Variants in KIFC3 observed in about 807,000 individuals in gnomAD.
KIFC3 encodes kinesin family member C3.
A neutral mutation model predicts 101.8 loss-of-function variants in KIFC3; 60 were observed. The ratio of observed to expected loss-of-function variants is 0.59; its 90% CI spans 0.48 to 0.73. The LOEUF (loss-of-function observed/expected upper bound fraction) is 0.73, where lower values mean the gene tolerates loss of function less well. Among genes scored for constraint, KIFC3 ranks in the 30% least tolerant of loss-of-function variants. The probability of loss-of-function intolerance (pLI) is 0.00; values close to 1 mark genes in which losing one functional copy is unlikely to be tolerated. For synonymous variants in KIFC3, 476 were observed against 482.7 expected (o/e 0.99, Z 0.18); for missense variants, 966 against 1,137.1 (o/e 0.85, Z 2.16).
intron 1 of KIFC3, among the ~76,000 whole-genome samples, chr16:57,824,914 G>A (rs1052206419): frequency 1.3e-5 from 2 of 152,154 alleles, no homozygotes; most frequent in African/African-American, 4.8e-5. Context: ...AAAGTGCTGG[G>A]ATGACCAATG....
At chr16:57,775,974 G>A in intron 3 of KIFC3, 1 of 985,512 alleles carries the variant, frequency 1.0e-6, no homozygotes, top group South Asian at 4.7e-5. Context: ...GGGCCTGTCT[G>A]CCGGCTTGAC....
chr16:57,835,230 A>T (rs782224820), intron 1 of KIFC3, among the ~76,000 whole-genome samples: 1 of 152,236 alleles, frequency 6.6e-6, no homozygotes, highest in African/African-American at 2.4e-5. Context: ...AACAGAAACT[A>T]CCAAACGACT....
chr16:57,832,161 C>T (rs575865747), intron 1 of KIFC3, among the ~76,000 whole-genome samples: 1 of 150,788 alleles, frequency 6.6e-6, no homozygotes, highest in African/African-American at 2.4e-5. Context: ...GCTGGGACTA[C>T]AGGAATGCAC....
intron 15 of KIFC3, 31 bp downstream of exon 15, chr16:57,761,011 A>T (rs765926226): frequency 1.9e-6 from 3 of 1,602,664 alleles, no homozygotes; most frequent in Non-Finnish European, 1.7e-6. Flanking sequence ...GGTTGTGGGG[A>T]TCCTCAGGCC....
At chr16:57,801,285 G>C (rs2054708245) in intron 1 of KIFC3, among the ~76,000 whole-genome samples, 2 of 152,156 alleles carry the variant, frequency 1.3e-5, no homozygotes, top group South Asian at 2.1e-4. Flanking sequence ...AGCAGGGCTT[G>C]GTCGCCCTGG....
chr16:57,789,972 A>G (rs2053710198), intron 3 of KIFC3, among the ~76,000 whole-genome samples: 1 of 151,740 alleles, frequency 6.6e-6, no homozygotes, highest in Admixed American at 6.6e-5. Context: ...CCTGACTTCA[A>G]GTGATCCACC....
chr16:57,763,391 C>T (rs1412599052), intron 12 of KIFC3, among the ~76,000 whole-genome samples: 1 of 151,982 alleles, frequency 6.6e-6, no homozygotes. Context: ...GTCCCAGAAT[C>T]GAGGGAACAG....
Position 57,851,825 on chromosome 16 carries a change from T to C in KIFC3, c.108+10904A>G, listed in dbSNP as rs936530248. ...TGCAATCTTGGCTCACTGCAACCTC[T>C]GCCTCCCAGGTTCACGCGATTCTCC... On this transcript the variant is annotated intron_variant, in intron 1 of 2. Coordinates refer to the KIFC3 transcript ENST00000563028. 4.7e-5 allele frequency among the ~76,000 whole-genome samples: 7 copies of C among 149,314 alleles called. No individual in the cohort carries two copies. The East Asian group carries it at 1.4e-3, about 30-fold the overall frequency.
At chr16:57,764,903 T>C (rs1380649058) in intron 11 of KIFC3, among the ~76,000 whole-genome samples, 1 of 14,218 alleles carries the variant, frequency 7.0e-5, no homozygotes, top group African/African-American at 2.9e-4. Flanking sequence ...GGGAGGGGCC[T>C]GAGGGTGGGT....
chr16:57,765,670 C>G (rs2148897201), intron 10 of KIFC3, 30 bp from the exon 11 acceptor site: 1 of 1,584,526 alleles, frequency 6.3e-7, no homozygotes, highest in South Asian at 1.1e-5. Flanking sequence ...GGAAATGGGT[C>G]CAGGCCATGT....
intron 1 of KIFC3, among the ~76,000 whole-genome samples, chr16:57,811,463 C>G (rs1384831668): frequency 6.6e-6 from 1 of 152,150 alleles, no homozygotes; most frequent in East Asian, 1.9e-4. Flanking sequence ...TGGCTCACGC[C>G]TATAATCTCA....
chr16:57,770,473 A>G, intron 7 of KIFC3, 54 bp downstream of exon 7: 17 of 1,351,340 alleles, frequency 1.3e-5, no homozygotes, highest in Non-Finnish European at 1.6e-5. Flanking sequence ...CATTGGCCCA[A>G]GGGCCTGCCT....
intron 10 of KIFC3, 28 bp downstream of exon 10, chr16:57,766,846 C>T (rs782502682): frequency 3.9e-6 from 6 of 1,555,272 alleles, no homozygotes; most frequent in South Asian, 2.2e-5. Flanking sequence ...CCGAGGCCAG[C>T]GCCCACCCCC....
intron 1 of KIFC3, among the ~76,000 whole-genome samples, chr16:57,827,155 C>T (rs1431528015): frequency 6.6e-6 from 1 of 152,224 alleles, no homozygotes; most frequent in African/African-American, 2.4e-5. Flanking sequence ...CAGACTAAAG[C>T]GATCCCACAA....
In KIFC3 at chr16:57,811,918, C is replaced by CAA. The variant is rs533115992; in HGVS notation, c.109-13638_109-13637dup. On this transcript the variant is annotated intron_variant, in intron 1 of 2. Coordinates refer to the KIFC3 transcript ENST00000563028. Reference sequence around the variant, plus strand: ...CCTAGGTGACAGCAAGACTCCGTCTCAAAAAAAAAAAAAAAAAAGAAGATT... The same window carrying CAA: ...CCTAGGTGACAGCAAGACTCCGTCTCAAAAAAAAAAAAAAAAAAAAGAAGATT... 6.2e-3 allele frequency among the ~76,000 whole-genome samples: 665 copies of CAA among 107,768 alleles called. 9 individuals are homozygous for CAA. The highest frequency in any genetic ancestry group is 0.022 in the African/African-American group (650 of 29,414). 70.7% of individuals were successfully genotyped at this position (107,768 alleles called of 152,430 possible). A position where few individuals can be genotyped will look rare whatever the true frequency, so the allele number is the denominator to read the frequency against.
Position 57,760,879 on chromosome 16 carries a change from C to G in KIFC3, c.2079G>C (p.Glu693Asp). Residue 693 changes from glutamate (E) to aspartate (D), a missense_variant, in exon 16 of 20, where the codon GAG (glutamate) becomes GAC (aspartate). Transcript: ENST00000445690. ...ACAGCGACTTGTTGATGTGCTGCGCCTCCCGCAGGCGGCTGCCCTCGGCCC... is the reference window on the plus strand; with the variant it reads ...ACAGCGACTTGTTGATGTGCTGCGCGTCCCGCAGGCGGCTGCCCTCGGCCC... ...KSGAEGSRLR[E>D]AQHINKSLSA... The G allele has an allele frequency of 6.2e-7, 1 of 1,611,708 alleles. No individual in the cohort carries two copies. The highest frequency in any genetic ancestry group is 8.5e-7 in the Non-Finnish European group (1 of 1,179,820).
intron 3 of KIFC3, among the ~76,000 whole-genome samples, chr16:57,786,384 G>A (rs1326444339): frequency 6.6e-6 from 1 of 152,200 alleles, no homozygotes; most frequent in East Asian, 1.9e-4. Flanking sequence ...GATGGATGAA[G>A]GACAAGAACA....
chr16:57,842,997 G>A (rs2149314844), intron 1 of KIFC3, among the ~76,000 whole-genome samples: 1 of 152,164 alleles, frequency 6.6e-6, no homozygotes, highest in East Asian at 1.9e-4. Context: ...GCCAGGCATG[G>A]TGGTGCAAGC....
chr16:57,862,304 G>T (rs1033110531), intron 1 of KIFC3, among the ~76,000 whole-genome samples: 19 of 151,244 alleles, frequency 1.3e-4, no homozygotes, highest in African/African-American at 4.6e-4. Flanking sequence ...GATTATAGGT[G>T]TGAGCCACCT....
Sources: gnomAD v4.1 joint callset for allele counts (sites outside exome capture counted in the v4.1 genomes callset) on GRCh38, gnomAD v4.1.1 for gene constraint, MANE v1.5 for transcripts, NCBI Gene and HGNC (gene_info 2026-07-23, HGNC 2026-07-21) for gene names.